The following LY86 variants were observed in gnomAD, a reference collection of about 807,000 sequenced individuals.
LY86 encodes lymphocyte antigen 86.
In LY86, 20 loss-of-function variants were observed where a neutral mutation model predicts 17.3. The ratio of observed to expected loss-of-function variants is 1.15; its 90% CI spans 0.81 to 1.68. The LOEUF (loss-of-function observed/expected upper bound fraction) is 1.68. Among genes scored for constraint, LY86 ranks in the 40% most tolerant of loss-of-function variants. LY86 has a pLI of 0.00. For synonymous variants in LY86, 74 were observed against 70.6 expected, an observed-to-expected ratio of 1.05 and a Z score of -0.24; for missense variants, 200 against 191.9, an observed-to-expected ratio of 1.04 and a Z score of -0.25.
At chr6:6,644,175 T>C (rs368519548) in intron 3 of LY86, among the ~76,000 whole-genome samples, 8 of 152,230 alleles carry the variant, frequency 5.3e-5, no homozygotes, top group African/African-American at 1.9e-4. Context: ...AAAGAGTTCA[T>C]GCAGTCAGCA....
chr6:6,612,583 G>GA (rs1210876292), intron 1 of LY86, among the ~76,000 whole-genome samples: 1 of 148,656 alleles, frequency 6.7e-6, no homozygotes. Flanking sequence ...CCTGCAGCCT[G>GA]ACTTTATTCT....
intron 1 of LY86, among the ~76,000 whole-genome samples, chr6:6,619,540 A>G (rs770479255): frequency 6.6e-6 from 1 of 152,254 alleles, no homozygotes; most frequent in Non-Finnish European, 1.5e-5. Context: ...CAGTCTTGCC[A>G]GTGCAGCTAA....
In LY86 at chr6:6,619,587, C is replaced by T. The variant is rs73718608; in HGVS notation, c.137-5339C>T. On this transcript the variant is annotated intron_variant, in intron 1 of 4. Transcript: ENST00000230568. ...CTGGTAAGGTCTCCTGGGCCCTCTA[C>T]GCCCTTTCTCCTCCGCAGGTCGTGC... 5.5e-3 allele frequency among the ~76,000 whole-genome samples: 831 copies of T among 152,318 alleles called. 8 individuals are homozygous for T. Among genetic ancestry groups the T allele is most frequent in the African/African-American group, 0.019 (783 of 41,564 alleles).
At chr6:6,599,335 C>T (rs1455532953) in intron 1 of LY86, among the ~76,000 whole-genome samples, 5 of 152,204 alleles carry the variant, frequency 3.3e-5, no homozygotes, top group African/African-American at 9.7e-5. Flanking sequence ...TTGTTAATGC[C>T]ATTCACTCCA....
chr6:6,606,604 C>G (rs1479413617), intron 1 of LY86, among the ~76,000 whole-genome samples: 1 of 152,224 alleles, frequency 6.6e-6, no homozygotes, highest in Non-Finnish European at 1.5e-5. Flanking sequence ...CTGCAGGTCC[C>G]TAGCCCTGCC....
rs373207405 is a variant in LY86, at chr6:6,615,719, C to CAAAA, written c.137-9190_137-9187dup. Among the ~76,000 whole-genome samples the CAAAA allele has an allele frequency of 5.6e-3, 512 of 91,592 alleles. 18 individuals are homozygous for CAAAA. The highest frequency in any genetic ancestry group is 0.012 in the African/African-American group (287 of 23,074). The allele number at this position is 91,592 out of a possible 152,430, so 60.1% of individuals were successfully genotyped here. A position where few individuals can be genotyped will look rare whatever the true frequency, so the allele number is the denominator to read the frequency against. On this transcript the variant is annotated intron_variant, in intron 1 of 4. Transcript: ENST00000230568. ...CCTGGGTGACAGTGAGATGTTGTCT[C>CAAAA]AAAAAAAAAAAAAAAAAAAAGCTGG...
intron 1 of LY86, among the ~76,000 whole-genome samples, chr6:6,612,037 G>C (rs1054900604): frequency 1.6e-5 from 2 of 122,138 alleles, no homozygotes; most frequent in Non-Finnish European, 3.5e-5. Context: ...CTTGTATTAG[G>C]AGAGAGCAAA....
intron 1 of LY86, among the ~76,000 whole-genome samples, chr6:6,603,254 G>A (rs938590193): frequency 6.6e-6 from 1 of 152,046 alleles, no homozygotes; most frequent in Non-Finnish European, 1.5e-5. Flanking sequence ...AATCTGGGAG[G>A]ACACAAACAT....
chr6:6,648,295 C>T lies in LY86; in HGVS notation c.353-1330C>T, dbSNP rs190516853. On this transcript the variant is annotated intron_variant, in intron 3 of 4. Coordinates refer to ENST00000230568, the MANE Select transcript of LY86 (RefSeq NM_004271.4). ...ACATAAATTAGCTATTTTGACATGA[C>T]TTTTAACACATTTCCACTGCCTCTG... Among the ~76,000 whole-genome samples the T allele has an allele frequency of 1.0e-3, 153 of 152,332 alleles. 1 individual carries two copies. The highest frequency in any genetic ancestry group is 3.5e-3 in the African/African-American group (144 of 41,570).
intron 1 of LY86, among the ~76,000 whole-genome samples, chr6:6,600,444 A>T (rs1006143102): frequency 6.6e-6 from 1 of 151,966 alleles, no homozygotes; most frequent in African/African-American, 2.4e-5. Context: ...ACAAAAAATT[A>T]GCCAGGTGTG....
chr6:6,630,833 G>GT, intron 3 of LY86, among the ~76,000 whole-genome samples: 1 of 152,330 alleles, frequency 6.6e-6, no homozygotes, highest in Non-Finnish European at 1.5e-5. Flanking sequence ...GAGATGTGCT[G>GT]TAAGTGTAAA....
At chr6:6,625,516 G>A (rs1287033397) in intron 2 of LY86, among the ~76,000 whole-genome samples, 1 of 152,144 alleles carries the variant, frequency 6.6e-6, no homozygotes. Flanking sequence ...CTTTCTGATT[G>A]TTTAATTTTC....
intron 1 of LY86, among the ~76,000 whole-genome samples, chr6:6,596,296 C>T (rs1482087172): frequency 3.3e-5 from 5 of 152,256 alleles, no homozygotes; most frequent in Non-Finnish European, 7.4e-5. Context: ...AGAAAACATT[C>T]TAAAAGCTGC....
chr6:6,624,213 G>T (rs1761738002), intron 1 of LY86, among the ~76,000 whole-genome samples: 1 of 152,230 alleles, frequency 6.6e-6, no homozygotes, highest in Non-Finnish European at 1.5e-5. Flanking sequence ...GTTGGAGCCA[G>T]TCGCTCATTT....
At chr6:6,626,018 CCATAG>C (rs1484115291) in intron 2 of LY86, among the ~76,000 whole-genome samples, 1 of 152,160 alleles carries the variant, frequency 6.6e-6, no homozygotes, top group Non-Finnish European at 1.5e-5. Flanking sequence ...CATTAAAAGG[CCATAG>C]CATCAGGGTG....
At chr6:6,605,915 G>T (rs894133815) in intron 1 of LY86, among the ~76,000 whole-genome samples, 1 of 152,208 alleles carries the variant, frequency 6.6e-6, no homozygotes, top group Non-Finnish European at 1.5e-5. Flanking sequence ...CTTCAGGAAT[G>T]AAGCTGCAGA....
At chr6:6,598,011 T>C (rs1255454814) in intron 1 of LY86, among the ~76,000 whole-genome samples, 3 of 152,230 alleles carry the variant, frequency 2.0e-5, no homozygotes, top group African/African-American at 7.2e-5. Context: ...TCCTTCCCCA[T>C]AGCTGAGATC....
intron 1 of LY86, among the ~76,000 whole-genome samples, chr6:6,593,127 C>CA (rs140473951): frequency 0.018 from 2,778 of 152,356 alleles, 86 homozygotes; most frequent in East Asian, 0.058. Flanking sequence ...GGTCAGAGTC[C>CA]AAAATCAATT....
intron 3 of LY86, among the ~76,000 whole-genome samples, chr6:6,632,918 CAT>C (rs1446154030): frequency 2.6e-5 from 4 of 152,184 alleles, no homozygotes; most frequent in Non-Finnish European, 5.9e-5. Flanking sequence ...CAGCACCACA[CAT>C]GAGACACCCA....
Sources: allele counts gnomAD v4.1 joint callset (sites outside exome capture counted in the v4.1 genomes callset), GRCh38; gene constraint gnomAD v4.1.1; transcripts MANE v1.5; gene names NCBI Gene and HGNC (gene_info 2026-07-23, HGNC 2026-07-21).